The following CHST11 variants were observed in gnomAD, a reference collection of about 807,000 sequenced individuals.
The protein encoded by CHST11 is C4S-1.
A neutral mutation model predicts 30.4 loss-of-function variants in CHST11; 9 were observed. The ratio of observed to expected loss-of-function variants is 0.30; its 90% CI spans 0.18 to 0.52. CHST11 has a LOEUF of 0.52. Ranked by LOEUF, CHST11 falls within the 20% of genes least tolerant of loss-of-function variation. CHST11 has a pLI of 0.97. For synonymous variants in CHST11, 152 were observed against 187.8 expected (o/e 0.81, Z 1.56); for missense variants, 348 against 460.6 (o/e 0.76, Z 2.24).
At chr12:104,583,181 C>A (rs2038764785) in intron 1 of CHST11, among the ~76,000 whole-genome samples, 2 of 152,192 alleles carry the variant, frequency 1.3e-5, no homozygotes, top group South Asian at 4.1e-4. Context: ...AAAGATGGGA[C>A]CTTGTCTCTC....
chr12:104,614,225 G>T (rs1241280510), intron 2 of CHST11, among the ~76,000 whole-genome samples: 1 of 152,080 alleles, frequency 6.6e-6, no homozygotes, highest in Non-Finnish European at 1.5e-5. Context: ...CTCTAATTGG[G>T]GTGTCAAGCC....
intron 2 of CHST11, among the ~76,000 whole-genome samples, chr12:104,635,847 A>G (rs1264100098): frequency 1.3e-5 from 2 of 152,172 alleles, no homozygotes; most frequent in African/African-American, 2.4e-5. Context: ...AGTATGTACA[A>G]CTATTATGTA....
At chr12:104,723,180 C>T (rs190977841) in intron 2 of CHST11, among the ~76,000 whole-genome samples, 37 of 152,260 alleles carry the variant, frequency 2.4e-4, no homozygotes, top group African/African-American at 8.2e-4. Flanking sequence ...ATGACAACAA[C>T]GGCAGCTGGG....
At chr12:104,686,344 C>T (rs2039846459) in intron 2 of CHST11, among the ~76,000 whole-genome samples, 1 of 151,968 alleles carries the variant, frequency 6.6e-6, no homozygotes, top group African/African-American at 2.4e-5. Context: ...TGACTGATTC[C>T]AGGTGCCAGA....
At chr12:104,677,033 G>A (rs1005822760) in intron 2 of CHST11, among the ~76,000 whole-genome samples, 4 of 151,936 alleles carry the variant, frequency 2.6e-5, no homozygotes, top group Admixed American at 6.6e-5. Flanking sequence ...ACCTTCTCCC[G>A]ACCCTGCCCC....
At chr12:104,609,332 A>G (rs890134764) in intron 2 of CHST11, among the ~76,000 whole-genome samples, 1 of 152,240 alleles carries the variant, frequency 6.6e-6, no homozygotes, top group Non-Finnish European at 1.5e-5. Flanking sequence ...CAAAGATGAA[A>G]TATTACATTA....
At chr12:104,482,914 G>A (rs1241648878) in intron 1 of CHST11, among the ~76,000 whole-genome samples, 2 of 152,112 alleles carry the variant, frequency 1.3e-5, no homozygotes, top group East Asian at 3.9e-4. Flanking sequence ...TGGAACAGAT[G>A]GTGGTTCTCA....
rs1566036984 is a variant in CHST11 at position 104,684,306 on chromosome 12, A to ATG, written c.205-72643_205-72642insTG. On this transcript the variant is annotated intron_variant, in intron 2 of 2. Coordinates refer to ENST00000303694, the MANE Select transcript of CHST11 (RefSeq NM_018413.6). Reference sequence around the variant, plus strand: ...TGGATGGATGGATGGATGGATGGATAGATGGGTGAGTGAGTGGATGGATAG... The same window carrying ATG: ...TGGATGGATGGATGGATGGATGGATATGGATGGGTGAGTGAGTGGATGGATAG... Among the ~76,000 whole-genome samples the ATG allele has an allele frequency of 6.0e-3, 777 of 129,820 alleles. 11 individuals are homozygous for ATG. Among genetic ancestry groups the ATG allele is most frequent in the African/African-American group, 0.021 (727 of 35,250 alleles). The allele number at this position is 129,820 out of a possible 152,430, so 85.2% of individuals were successfully genotyped here.
intron 1 of CHST11, among the ~76,000 whole-genome samples, chr12:104,534,058 A>G (rs2038212736): frequency 6.6e-6 from 1 of 152,184 alleles, no homozygotes; most frequent in African/African-American, 2.4e-5. Context: ...GAAAGGGAAA[A>G]CTAAAATGTG....
chr12:104,640,863 C>T lies in CHST11; in HGVS notation c.204+38872C>T, dbSNP rs2136074543. 2.0e-5 allele frequency among the ~76,000 whole-genome samples: 3 copies of T among 152,288 alleles called. 1 individual carries two copies. The South Asian group carries it at 6.2e-4, about 32-fold the overall frequency. On this transcript the variant is annotated intron_variant, in intron 2 of 2. Transcript: ENST00000303694. ...TGGTCCCCAGCGAGGTCCCTACCCT[C>T]AAGCTGAAAAGCCTAATACTGTAGC...
chr12:104,579,652 A>G (rs2038719830), intron 1 of CHST11, among the ~76,000 whole-genome samples: 1 of 152,162 alleles, frequency 6.6e-6, no homozygotes, highest in Admixed American at 6.5e-5. Flanking sequence ...CAATGTGTGG[A>G]TGCGCCGCCC....
chr12:104,678,913 G>A (rs1456690734), intron 2 of CHST11, among the ~76,000 whole-genome samples: 1 of 152,072 alleles, frequency 6.6e-6, no homozygotes, highest in African/African-American at 2.4e-5. Context: ...GTAAAGTCAC[G>A]TACTCTAGCT....
intron 2 of CHST11, among the ~76,000 whole-genome samples, chr12:104,609,273 G>T (rs929587055): frequency 1.3e-5 from 2 of 152,222 alleles, no homozygotes; most frequent in Non-Finnish European, 2.9e-5. Context: ...GTTGTAGACC[G>T]ACTCCTTATG....
intron 1 of CHST11, among the ~76,000 whole-genome samples, chr12:104,514,910 A>C (rs2038006782): frequency 1.3e-5 from 2 of 152,180 alleles, no homozygotes; most frequent in Non-Finnish European, 2.9e-5. Flanking sequence ...CAGTTTCCTC[A>C]GCGGTAAACT....
At chr12:104,692,218 G>A (rs1158672307) in intron 2 of CHST11, among the ~76,000 whole-genome samples, 1 of 152,162 alleles carries the variant, frequency 6.6e-6, no homozygotes. Context: ...AGTCCTCAGA[G>A]CGTGCAGCCC....
At chr12:104,495,413 T>C (rs1417766308) in intron 1 of CHST11, among the ~76,000 whole-genome samples, 3 of 152,204 alleles carry the variant, frequency 2.0e-5, no homozygotes, top group African/African-American at 7.2e-5. Flanking sequence ...TCCACAGTGG[T>C]CGTGCCATTT....
intron 1 of CHST11, among the ~76,000 whole-genome samples, chr12:104,466,099 A>G (rs1475058461): frequency 6.6e-6 from 1 of 151,972 alleles, no homozygotes; most frequent in African/African-American, 2.4e-5. Flanking sequence ...ACCTCAGGTG[A>G]TCTGCCCGCC....
intron 2 of CHST11, among the ~76,000 whole-genome samples, chr12:104,720,738 A>G (rs2040168945): frequency 6.6e-6 from 1 of 152,222 alleles, no homozygotes. Context: ...GGGGAAAAAA[A>G]AAATGGAGAG....
intron 2 of CHST11, among the ~76,000 whole-genome samples, chr12:104,627,697 G>C (rs554396481): frequency 1.3e-5 from 2 of 152,084 alleles, no homozygotes; most frequent in African/African-American, 4.8e-5. Flanking sequence ...TCTCCTTTTG[G>C]GCATTTAATA....
Sources: gnomAD v4.1 joint callset for allele counts (sites outside exome capture counted in the v4.1 genomes callset) on GRCh38, gnomAD v4.1.1 for gene constraint, MANE v1.5 for transcripts, NCBI Gene and HGNC (gene_info 2026-07-23, HGNC 2026-07-21) for gene names.